The following CHRNA7 variants were observed in gnomAD, a reference collection of about 807,000 sequenced individuals.
The protein encoded by CHRNA7 is cholinergic receptor nicotinic alpha 7 subunit.
A neutral mutation model predicts 48.0 loss-of-function variants in CHRNA7; 17 were observed. The observed-to-expected ratio is 0.35, with a 90% CI of 0.24 to 0.53. The LOEUF (loss-of-function observed/expected upper bound fraction) is 0.53, where lower values mean the gene tolerates loss of function less well. Ranked by LOEUF, CHRNA7 falls within the 20% of genes least tolerant of loss-of-function variation. The probability of loss-of-function intolerance (pLI) is 0.92; values close to 1 mark genes in which losing one functional copy is unlikely to be tolerated. For missense variants in CHRNA7, 155 were observed against 577.7 expected, an observed-to-expected ratio of 0.27 and a Z score of 7.50; for synonymous variants, 75 against 242.3, an observed-to-expected ratio of 0.31 and a Z score of 6.41.
intron 4 of CHRNA7, among the ~76,000 whole-genome samples, chr15:32,130,912 C>G (rs1469925074): frequency 6.6e-6 from 1 of 151,810 alleles, no homozygotes; most frequent in Non-Finnish European, 1.5e-5. Context: ...CTTCATTATT[C>G]CTGAAAGATA....
intron 2 of CHRNA7, among the ~76,000 whole-genome samples, chr15:32,031,610 C>T (rs1901845195): frequency 6.6e-6 from 1 of 152,180 alleles, no homozygotes; most frequent in African/African-American, 2.4e-5. Context: ...ACTGGGAGTC[C>T]TGCTCCGAGG....
chr15:32,110,277 T>G (rs2050741851), intron 3 of CHRNA7, among the ~76,000 whole-genome samples: 1 of 152,182 alleles, frequency 6.6e-6, no homozygotes, highest in Admixed American at 6.5e-5. Flanking sequence ...GAAGCATGGC[T>G]TGGTTGGTGC....
At chr15:32,083,172 C>T (rs1308928388) in intron 2 of CHRNA7, among the ~76,000 whole-genome samples, 1 of 151,988 alleles carries the variant, frequency 6.6e-6, no homozygotes, top group Non-Finnish European at 1.5e-5. Context: ...GGAAGTGGGC[C>T]TAATAGGAGG....
chr15:32,131,804 C>T (rs2051161661), intron 4 of CHRNA7, among the ~76,000 whole-genome samples: 1 of 152,108 alleles, frequency 6.6e-6, no homozygotes, highest in Non-Finnish European at 1.5e-5. Context: ...TTTCAGTGTT[C>T]CTTTTCACTA....
At chr15:32,146,989 T>C (rs1320989563) in intron 4 of CHRNA7, among the ~76,000 whole-genome samples, 1 of 152,210 alleles carries the variant, frequency 6.6e-6, no homozygotes, top group Non-Finnish European at 1.5e-5. Context: ...GATGTTTTGC[T>C]GGGTCAGGGA....
rs547943245 is a variant in CHRNA7 at position 32,117,299 on chromosome 15, A to G, written c.350+5400A>G. 1.9e-4 allele frequency among the ~76,000 whole-genome samples: 29 copies of G among 152,310 alleles called. No individual in the cohort carries two copies. In the East Asian group the frequency reaches 5.4e-3, roughly 28 times the overall value. ...GATGCTTATCTGCCAGCTGCCTTCCATCATAGGCTGAGAGCTGCTTCCAGG... is the reference window on the plus strand; with the variant it reads ...GATGCTTATCTGCCAGCTGCCTTCCGTCATAGGCTGAGAGCTGCTTCCAGG... On this transcript the variant is annotated intron_variant, in intron 4 of 9. Coordinates refer to ENST00000306901, the MANE Select transcript of CHRNA7 (RefSeq NM_000746.6).
chr15:32,056,878 A>T (rs938287973), intron 2 of CHRNA7, among the ~76,000 whole-genome samples: 1 of 152,232 alleles, frequency 6.6e-6, no homozygotes, highest in African/African-American at 2.4e-5. Flanking sequence ...CAAAGAAAAC[A>T]TTAGGCAAAT....
At chr15:32,104,495 C>T (rs749387313) in intron 3 of CHRNA7, among the ~76,000 whole-genome samples, 2 of 152,176 alleles carry the variant, frequency 1.3e-5, no homozygotes, top group Non-Finnish European at 2.9e-5. Context: ...GGCTTCTCAC[C>T]ATGTAACCCG....
At chr15:32,133,258 A>C (rs915111073) in intron 4 of CHRNA7, among the ~76,000 whole-genome samples, 1 of 152,256 alleles carries the variant, frequency 6.6e-6, no homozygotes, top group African/African-American at 2.4e-5. Flanking sequence ...GAGCCAGAAA[A>C]GGCATAACAG....
At chr15:32,100,582 C>G (rs1213031275) in intron 2 of CHRNA7, 1 of 154,514 alleles carries the variant, frequency 6.5e-6, no homozygotes, top group Admixed American at 6.5e-5. Flanking sequence ...TAGCTGGAGG[C>G]AGAACTCAGG....
intron 4 of CHRNA7, among the ~76,000 whole-genome samples, chr15:32,146,334 C>T (rs1458591115): frequency 1.3e-5 from 2 of 152,152 alleles, no homozygotes; most frequent in African/African-American, 4.8e-5. Flanking sequence ...AATGCTGAAA[C>T]ATTAGAAGTT....
intron 2 of CHRNA7, among the ~76,000 whole-genome samples, chr15:32,083,917 G>A (rs753386162): frequency 1.3e-5 from 2 of 152,168 alleles, no homozygotes; most frequent in Admixed American, 6.5e-5. Flanking sequence ...AAGAAGAAAA[G>A]GGTTTATGAA....
chr15:32,163,491 C>A lies in CHRNA7; in HGVS notation c.990+156C>A. On this transcript the variant is annotated intron_variant, in intron 9 of 9. Transcript: ENST00000306901. ...TTGAGACGGAGTCTCACTATGTCAC[C>A]CAGGCTGGAGTGCAGTGGTGTAATC... 2 of 242,954 alleles carry A rather than the reference C, an allele frequency of 8.2e-6. 1 individual carries two copies. Among genetic ancestry groups the A allele is most frequent in the Non-Finnish European group, 1.6e-5 (2 of 123,940 alleles). 15.0% of individuals were successfully genotyped at this position (242,954 alleles called of 1,614,324 possible).
chr15:32,087,021 G>A (rs78077581), intron 2 of CHRNA7, among the ~76,000 whole-genome samples: 2,819 of 152,162 alleles, frequency 0.019, 43 homozygotes, highest in Middle Eastern at 0.027. Context: ...ACTATGCACA[G>A]CCCAGGAAGT....
chr15:32,090,912 C>T (rs771650787), intron 2 of CHRNA7, among the ~76,000 whole-genome samples: 12 of 152,128 alleles, frequency 7.9e-5, no homozygotes, highest in Admixed American at 3.3e-4. Context: ...TTCAAGCATT[C>T]GCATTTTCCA....
At chr15:32,046,894 C>T (rs951668677) in intron 2 of CHRNA7, among the ~76,000 whole-genome samples, 11 of 151,928 alleles carry the variant, frequency 7.2e-5, no homozygotes, top group Admixed American at 5.9e-4. Flanking sequence ...ACATGGCTAG[C>T]CAGTTTTCCC....
chr15:32,080,308 A>C (rs2050196539), intron 2 of CHRNA7, among the ~76,000 whole-genome samples: 1 of 152,240 alleles, frequency 6.6e-6, no homozygotes, highest in South Asian at 2.1e-4. Flanking sequence ...ATGGGATCTA[A>C]CTAAAGAGCT....
At chr15:32,158,281 ACCC>A in intron 6 of CHRNA7, 128 bp from the exon 7 acceptor site, 2 of 729,966 alleles carry the variant, frequency 2.7e-6, no homozygotes, top group Admixed American at 5.6e-5. Context: ...GCTAATTACA[ACCC>A]CCCCCTTTTT....
rs976585685 is a variant in CHRNA7, at chr15:32,156,114, T to C, written c.431-1494T>C. The C allele has an allele frequency of 1.6e-4, 19 of 121,874 alleles. 3 individuals carry two copies. The highest frequency in any genetic ancestry group is 6.5e-4 in the African/African-American group (19 of 29,152). 7.5% of individuals were successfully genotyped at this position (121,874 alleles called of 1,614,324 possible). A position where few individuals can be genotyped will look rare whatever the true frequency, so the allele number is the denominator to read the frequency against. ...TCCCATCACCCCACAAAGATCCCTT[T>C]TGCTTGTTTGCAGTTAATTCCCATT... On this transcript the variant is annotated intron_variant, in intron 5 of 9. Transcript: ENST00000306901.
Sources: gnomAD v4.1 joint callset for allele counts (sites outside exome capture counted in the v4.1 genomes callset) on GRCh38, gnomAD v4.1.1 for gene constraint, MANE v1.5 for transcripts, NCBI Gene and HGNC (gene_info 2026-07-23, HGNC 2026-07-21) for gene names.